The following NCKAP5 variants were observed in gnomAD, a reference collection of about 807,000 sequenced individuals.
The protein encoded by NCKAP5 is nck-associated protein 5.
NCKAP5 carries 92 observed loss-of-function variants against 167.0 expected under a neutral mutation model. The ratio of observed to expected loss-of-function variants is 0.55; its 90% CI spans 0.47 to 0.66. The LOEUF (loss-of-function observed/expected upper bound fraction) is 0.66, where lower values mean the gene tolerates loss of function less well. Ranked by LOEUF, NCKAP5 falls within the 30% of genes least tolerant of loss-of-function variation. NCKAP5 has a pLI of 0.00. For synonymous variants in NCKAP5, 891 were observed against 877.4 expected (o/e 1.02, Z -0.27); for missense variants, 2,378 against 2,315.0 (o/e 1.03, Z -0.56).
At chr2:132,794,648 TACACACACAC>T (rs4057986) in intron 12 of NCKAP5, among the ~76,000 whole-genome samples, 1 of 142,478 alleles carries the variant, frequency 7.0e-6, no homozygotes, top group African/African-American at 2.6e-5. Flanking sequence ...CAACAACAAA[TACACACACAC>T]ACACACACAC....
In NCKAP5 at chr2:133,194,889, A is replaced by T. The variant is rs376327461; in HGVS notation, c.207+18827T>A. On this transcript the variant is annotated intron_variant, in intron 5 of 19. Transcript: ENST00000409261. ...AGATTGTTCATAGGTATATATGAAAAAAATATTCTAGCTCCATTGAGTTAA... is the reference window on the plus strand; with the variant it reads ...AGATTGTTCATAGGTATATATGAAATAAATATTCTAGCTCCATTGAGTTAA... Among the ~76,000 whole-genome samples the T allele has an allele frequency of 8.6e-5, 13 of 151,472 alleles. No homozygotes were observed. The East Asian group carries it at 2.5e-3, about 29-fold the overall frequency.
At chr2:132,949,221 G>T (rs1036119863) in intron 8 of NCKAP5, among the ~76,000 whole-genome samples, 3 of 152,182 alleles carry the variant, frequency 2.0e-5, no homozygotes, top group African/African-American at 7.2e-5. Context: ...CAATGAACAC[G>T]TCCTTATTTC....
At chr2:133,262,923 G>A (rs1005959554) in intron 4 of NCKAP5, among the ~76,000 whole-genome samples, 4 of 152,104 alleles carry the variant, frequency 2.6e-5, no homozygotes, top group South Asian at 2.1e-4. Context: ...CCCTGAGCCC[G>A]GATGATGTTA....
chr2:133,107,505 T>C (rs926833193), intron 6 of NCKAP5, among the ~76,000 whole-genome samples: 1 of 152,222 alleles, frequency 6.6e-6, no homozygotes, highest in Admixed American at 6.5e-5. Context: ...TAAATCCATA[T>C]GTTCTTTTGC....
At chr2:133,359,461 T>C (rs1343083372) in intron 3 of NCKAP5, among the ~76,000 whole-genome samples, 2 of 152,230 alleles carry the variant, frequency 1.3e-5, no homozygotes, top group African/African-American at 4.8e-5. Flanking sequence ...GGAAAACCTA[T>C]TGTGTTTGAG....
intron 4 of NCKAP5, among the ~76,000 whole-genome samples, chr2:133,279,703 C>T (rs555768687): frequency 3.9e-5 from 6 of 152,348 alleles, no homozygotes; most frequent in African/African-American, 1.4e-4. Flanking sequence ...TTTTCAGCCA[C>T]AACTGAGCAC....
At chr2:133,128,952 T>C (rs2082497790) in intron 6 of NCKAP5, among the ~76,000 whole-genome samples, 1 of 151,332 alleles carries the variant, frequency 6.6e-6, no homozygotes. Flanking sequence ...CTGATTTTTT[T>C]TTTTTTTTTT....
chr2:132,756,162 C>A (rs1055570450), intron 16 of NCKAP5, among the ~76,000 whole-genome samples: 2 of 152,090 alleles, frequency 1.3e-5, no homozygotes, highest in African/African-American at 4.8e-5. Context: ...AAATGCAAAA[C>A]TTGAGGCAAA....
intron 2 of NCKAP5, among the ~76,000 whole-genome samples, chr2:133,548,458 A>C (rs923916335): frequency 1.3e-5 from 2 of 151,016 alleles, no homozygotes; most frequent in African/African-American, 4.8e-5. Flanking sequence ...GAAGGAAAAA[A>C]TGTTAAGGGC....
intron 5 of NCKAP5, among the ~76,000 whole-genome samples, chr2:133,144,281 C>A (rs974487258): frequency 2.6e-5 from 4 of 151,980 alleles, no homozygotes; most frequent in African/African-American, 4.8e-5. Context: ...AGCACGAAAG[C>A]AGGTATAGAT....
At chr2:133,403,401 T>G (rs1266246243) in intron 3 of NCKAP5, among the ~76,000 whole-genome samples, 2 of 152,244 alleles carry the variant, frequency 1.3e-5, no homozygotes, top group Non-Finnish European at 1.5e-5. Context: ...CAGATATGCA[T>G]GGCCACAGGG....
chr2:133,457,795 CTTTTTTCTAG>C (rs1691951619), intron 3 of NCKAP5, among the ~76,000 whole-genome samples: 1 of 152,066 alleles, frequency 6.6e-6, no homozygotes. Flanking sequence ...AATCTCAATT[CTTTTTTCTAG>C]TTTTTTCATG....
chr2:133,531,488 C>T (rs1338883136), intron 2 of NCKAP5, among the ~76,000 whole-genome samples: 1 of 151,902 alleles, frequency 6.6e-6, no homozygotes, highest in Admixed American at 6.6e-5. Flanking sequence ...AGCACTCTTT[C>T]TGGTTCTAAA....
chr2:133,181,007 C>T (rs2084708219), intron 5 of NCKAP5, among the ~76,000 whole-genome samples: 3 of 151,830 alleles, frequency 2.0e-5, no homozygotes, highest in African/African-American at 7.3e-5. Flanking sequence ...TTTACACATA[C>T]ACACTCAAGA....
chr2:132,916,984 T>C (rs1392345595), intron 8 of NCKAP5, among the ~76,000 whole-genome samples: 2 of 152,200 alleles, frequency 1.3e-5, no homozygotes, highest in Non-Finnish European at 2.9e-5. Context: ...GTAGACCCAA[T>C]AATGATGACA....
intron 5 of NCKAP5, among the ~76,000 whole-genome samples, chr2:133,145,430 C>T (rs1040493815): frequency 1.3e-5 from 2 of 152,006 alleles, no homozygotes; most frequent in Non-Finnish European, 2.9e-5. Context: ...ATGGGTGCAG[C>T]AAACCATCAT....
chr2:133,640,117 G>GTGAT, the NCKAP5 span, among the ~76,000 whole-genome samples: 1 of 152,210 alleles, frequency 6.6e-6, no homozygotes, highest in African/African-American at 2.4e-5. Flanking sequence ...ATTTAAGGTA[G>GTGAT]TGATTGTACC....
chr2:132,857,832 T>C (rs1689592743), intron 11 of NCKAP5, among the ~76,000 whole-genome samples: 1 of 152,208 alleles, frequency 6.6e-6, no homozygotes, highest in Non-Finnish European at 1.5e-5. Context: ...CTGGCTCCCT[T>C]TGTAAGTTTA....
chr2:133,216,962 C>A (rs1458273731), intron 4 of NCKAP5, among the ~76,000 whole-genome samples: 1 of 152,086 alleles, frequency 6.6e-6, no homozygotes, highest in Non-Finnish European at 1.5e-5. Flanking sequence ...TAAAAACCAA[C>A]TGGCTCATGT....
Sources: allele counts gnomAD v4.1 joint callset (sites outside exome capture counted in the v4.1 genomes callset), GRCh38; gene constraint gnomAD v4.1.1; transcripts MANE v1.5; gene names NCBI Gene and HGNC (gene_info 2026-07-23, HGNC 2026-07-21).